HIPK3: variants seen among roughly 807,000 people sequenced by gnomAD.
HIPK3 encodes homeodomain-interacting protein kinase 3.
Under a neutral mutation model 124.2 loss-of-function variants are expected in HIPK3, and 47 were observed. The ratio of observed to expected loss-of-function variants is 0.38; its 90% CI spans 0.30 to 0.48. The LOEUF (loss-of-function observed/expected upper bound fraction) is 0.48. HIPK3 is among the 20% of genes least tolerant of loss of function. The pLI, the probability that HIPK3 is intolerant of heterozygous loss-of-function variation, is 0.98. For synonymous variants in HIPK3, 482 were observed against 515.2 expected (o/e 0.94, Z 0.87); for missense variants, 1,286 against 1,454.3 (o/e 0.88, Z 1.88).
intron 2 of HIPK3, among the ~76,000 whole-genome samples, chr11:33,307,400 G>GTT (rs397849185): frequency 0.012 from 1,508 of 128,806 alleles, 25 homozygotes; most frequent in African/African-American, 0.02. Context: ...TTTATGAAGT[G>GTT]TTTTTTTTTT....
At chr11:33,283,162 G>A (rs1194506717) in intron 1 of HIPK3, among the ~76,000 whole-genome samples, 2 of 151,610 alleles carry the variant, frequency 1.3e-5, no homozygotes, top group African/African-American at 4.9e-5. Flanking sequence ...CCAGGAAGGA[G>A]TGCAGTGGCG....
At chr11:33,353,065 T>C in intron 16 of HIPK3, 27 bp from the exon 17 acceptor site, 1 of 1,285,212 alleles carries the variant, frequency 7.8e-7, no homozygotes, top group Non-Finnish European at 1.1e-6. Context: ...TGTTATTCAG[T>C]CATTTTTTTT....
intron 2 of HIPK3, among the ~76,000 whole-genome samples, chr11:33,294,595 G>C (rs1851790016): frequency 6.7e-6 from 1 of 148,602 alleles, no homozygotes; most frequent in Admixed American, 6.8e-5. Context: ...TTGATGAACT[G>C]TTTAAACTAT....
chr11:33,353,509 C>G lies in HIPK3; in HGVS notation c.3589C>G (p.Pro1197Ala). The change falls in exon 17 of 17, where the codon CCT (proline) becomes GCT (alanine). Residue 1197 changes from proline to alanine, a missense_variant. Around this residue, in one of 3 missense-constraint regions of HIPK3, gnomAD observed 810 missense variants for 864.9 expected, o/e 0.94. Transcript: ENST00000303296. ...ACCACATTCTTACATTGCAGCATCA[C>G]CTGCATATACTGGATTTCCACTGAG... ...FPPHSYIAAS[P>A]AYTGFPLSPT... is the part of the protein sequence containing the mutation. 1 of 1,613,982 alleles carries G rather than the reference C, an allele frequency of 6.2e-7. No individual in the cohort carries two copies. Among genetic ancestry groups the G allele is most frequent in the African/African-American group, 1.3e-5 (1 of 75,026 alleles).
chr11:33,271,859 T>A (rs1420117676), intron 1 of HIPK3, among the ~76,000 whole-genome samples: 1 of 152,208 alleles, frequency 6.6e-6, no homozygotes, highest in Non-Finnish European at 1.5e-5. Flanking sequence ...ATCATTATAG[T>A]TCTGATATGT....
At chr11:33,292,520 C>T (rs957769338) in intron 2 of HIPK3, among the ~76,000 whole-genome samples, 1 of 152,072 alleles carries the variant, frequency 6.6e-6, no homozygotes, top group Admixed American at 6.6e-5. Flanking sequence ...CAGAATGACC[C>T]TTGAGAGCAC....
At chr11:33,288,223 C>T (rs1490254667) in intron 2 of HIPK3, among the ~76,000 whole-genome samples, 4 of 152,060 alleles carry the variant, frequency 2.6e-5, no homozygotes, top group African/African-American at 7.2e-5. Flanking sequence ...GAGGCTGAGG[C>T]GGGTGGATGA....
intron 8 of HIPK3, among the ~76,000 whole-genome samples, chr11:33,343,876 A>G (rs1853417089): frequency 6.6e-6 from 1 of 152,204 alleles, no homozygotes; most frequent in Admixed American, 6.5e-5. Context: ...ATTGTGGCCC[A>G]GTGGCCACAG....
At chr11:33,258,722 C>G (rs1278583002) in intron 1 of HIPK3, 1 of 985,074 alleles carries the variant, frequency 1.0e-6, no homozygotes, top group African/African-American at 1.7e-5. Flanking sequence ...CTGTTGTTCC[C>G]GTCTCATCTC....
At chr11:33,276,975 G>A (rs757333061) in intron 1 of HIPK3, among the ~76,000 whole-genome samples, 4 of 152,106 alleles carry the variant, frequency 2.6e-5, no homozygotes, top group Non-Finnish European at 5.9e-5. Context: ...AAAGTGCTGG[G>A]ATTACAGGTG....
intron 1 of HIPK3, among the ~76,000 whole-genome samples, chr11:33,264,772 T>C (rs1850911867): frequency 6.6e-6 from 1 of 152,206 alleles, no homozygotes; most frequent in Admixed American, 6.5e-5. Context: ...TTTAGAGTTT[T>C]TAAAAACAAA....
At chr11:33,312,484 G>A (rs556042495) in intron 2 of HIPK3, among the ~76,000 whole-genome samples, 6 of 152,104 alleles carry the variant, frequency 3.9e-5, no homozygotes, top group Non-Finnish European at 5.9e-5. Context: ...ATGTATTTGG[G>A]GAGCATTATG....
chr11:33,281,825 C>G (rs1053022092), intron 1 of HIPK3, among the ~76,000 whole-genome samples: 1 of 152,076 alleles, frequency 6.6e-6, no homozygotes, highest in African/African-American at 2.4e-5. Context: ...GTCCATGTGT[C>G]AAGGTCTGTT....
intron 2 of HIPK3, among the ~76,000 whole-genome samples, chr11:33,310,352 C>CTGGA (rs956107714): frequency 5.5e-5 from 8 of 145,820 alleles, no homozygotes; most frequent in Non-Finnish European, 1.1e-4. Flanking sequence ...GTCACCCAGG[C>CTGGA]TGGCGTACAG....
intron 2 of HIPK3, among the ~76,000 whole-genome samples, chr11:33,299,202 G>A (rs1399768317): frequency 4.0e-5 from 6 of 151,500 alleles, no homozygotes; most frequent in African/African-American, 1.5e-4. Flanking sequence ...GGCCGGGCGC[G>A]GTGGCTCACG....
At chr11:33,321,867 GTGTATCTACTCCTGAGTATT>G (rs1852672191) in intron 2 of HIPK3, among the ~76,000 whole-genome samples, 2 of 152,128 alleles carry the variant, frequency 1.3e-5, no homozygotes, top group African/African-American at 4.8e-5. Flanking sequence ...GGGGAGAGCT[GTGTATCTACTCCTGAGTATT>G]TGAAATCTAG....
chr11:33,347,537 T>C, intron 9 of HIPK3, 92 bp from the exon 10 acceptor site: 1 of 1,568,286 alleles, frequency 6.4e-7, no homozygotes, highest in Non-Finnish European at 8.7e-7. Context: ...AATTGTTAGC[T>C]GTTACTTTTA....
intron 2 of HIPK3, among the ~76,000 whole-genome samples, chr11:33,302,374 T>G (rs1244815022): frequency 7.8e-6 from 1 of 128,146 alleles, no homozygotes; most frequent in Non-Finnish European, 1.7e-5. Context: ...AGTCTGACTG[T>G]TTCCCAGGCT....
At chr11:33,352,111 ACT>A (rs1298316008) in intron 15 of HIPK3, 25 bp from the exon 16 acceptor site, 11 of 1,599,528 alleles carry the variant, frequency 6.9e-6, no homozygotes, top group Non-Finnish European at 8.6e-6. Flanking sequence ...AAAAGCATAA[ACT>A]CTTTAATATT....
Sources: allele counts gnomAD v4.1 joint callset (sites outside exome capture counted in the v4.1 genomes callset), GRCh38; gene constraint gnomAD v4.1.1; regional missense constraint gnomAD v4.1.1; transcripts MANE v1.5; gene names NCBI Gene and HGNC (gene_info 2026-07-23, HGNC 2026-07-21).